MPP7: variants seen among roughly 807,000 people sequenced by gnomAD.
MPP7 encodes MAGUK p55 subfamily member 7.
MPP7 carries 60 observed loss-of-function variants against 76.5 expected under a neutral mutation model. That is an observed-to-expected ratio of 0.78 (90% CI 0.64 to 0.97). The LOEUF (loss-of-function observed/expected upper bound fraction) is 0.97. Ranked by LOEUF, MPP7 falls within the 50% of genes least tolerant of loss-of-function variation. The probability of loss-of-function intolerance (pLI) is 0.00; values close to 1 mark genes in which losing one functional copy is unlikely to be tolerated. For synonymous variants in MPP7, 237 were observed against 244.5 expected (o/e 0.97, Z 0.29); for missense variants, 641 against 694.0 (o/e 0.92, Z 0.86).
intron 1 of MPP7, among the ~76,000 whole-genome samples, chr10:28,269,219 C>A (rs1564746413): frequency 6.6e-6 from 1 of 152,168 alleles, no homozygotes; most frequent in Admixed American, 6.5e-5. Flanking sequence ...CTATCCTAAC[C>A]CCATTGCTCC....
At chr10:28,243,803 T>C (rs191072839) in intron 1 of MPP7, among the ~76,000 whole-genome samples, 1 of 152,322 alleles carries the variant, frequency 6.6e-6, no homozygotes. Flanking sequence ...GAGCCAGGAA[T>C]TAAAGAAATT....
intron 8 of MPP7, among the ~76,000 whole-genome samples, chr10:28,122,376 C>T (rs1407038418): frequency 2.6e-5 from 4 of 151,924 alleles, no homozygotes; most frequent in East Asian, 3.9e-4. Flanking sequence ...TGGTAGTTTC[C>T]GAATATTTTT....
chr10:28,191,992 C>T (rs1024092297), intron 3 of MPP7, among the ~76,000 whole-genome samples: 10 of 151,910 alleles, frequency 6.6e-5, no homozygotes, highest in East Asian at 1.9e-4. Context: ...GGCGTAGTGA[C>T]GCACACCTGT....
chr10:28,131,337 A>G (rs1227095580), intron 6 of MPP7, among the ~76,000 whole-genome samples: 1 of 152,252 alleles, frequency 6.6e-6, no homozygotes, highest in Non-Finnish European at 1.5e-5. Context: ...ATAAATGTCA[A>G]CAGGTTACAT....
intron 3 of MPP7, among the ~76,000 whole-genome samples, chr10:28,181,576 T>C (rs898120469): frequency 4.6e-5 from 7 of 152,194 alleles, no homozygotes; most frequent in African/African-American, 1.7e-4. Context: ...CAAGTATTTG[T>C]GAAATGAATG....
intron 11 of MPP7, among the ~76,000 whole-genome samples, chr10:28,103,982 T>G (rs550387702): frequency 2.0e-5 from 3 of 152,244 alleles, no homozygotes; most frequent in African/African-American, 7.2e-5. Flanking sequence ...GGTTTTTGAC[T>G]GACAAAACAG....
chr10:28,286,188 C>A (rs1589029363), intron 1 of MPP7, among the ~76,000 whole-genome samples: 3 of 151,776 alleles, frequency 2.0e-5, no homozygotes, highest in South Asian at 4.2e-4. Flanking sequence ...ACTAAAAATA[C>A]AGAAAAAATT....
rs115720346 is a variant in MPP7 at position 28,276,685 on chromosome 10, A to C, written c.-132+26176T>G. 5.0e-3 allele frequency among the ~76,000 whole-genome samples: 755 copies of C among 152,214 alleles called. 19 individuals are homozygous for C. Among genetic ancestry groups the C allele is most frequent in the African/African-American group, 0.017 (714 of 41,480 alleles). On this transcript the variant is annotated intron_variant, in intron 1 of 16. Transcript: ENST00000683449. ...CGCAAGTCATGCACACGTAGGTTTG[A>C]TATGAAGGGAGAAGAATCAAAGGAC... is the stretch of plus-strand genomic sequence containing the variant.
At chr10:28,290,807 A>G (rs1003142017) in intron 1 of MPP7, among the ~76,000 whole-genome samples, 1 of 152,182 alleles carries the variant, frequency 6.6e-6, no homozygotes, top group East Asian at 1.9e-4. Context: ...AAAGGATTTT[A>G]GGAAAACAGA....
At chr10:28,151,171 A>G (rs1469984481) in intron 3 of MPP7, among the ~76,000 whole-genome samples, 1 of 152,052 alleles carries the variant, frequency 6.6e-6, no homozygotes, top group Non-Finnish European at 1.5e-5. Flanking sequence ...TGCTATTGCT[A>G]AGAGAGGATT....
intron 11 of MPP7, chr10:28,119,147 T>G (rs1247253198): frequency 1.0e-5 from 8 of 799,630 alleles, no homozygotes; most frequent in Non-Finnish European, 9.1e-6. Context: ...TCTCATTTTC[T>G]TTTAATCTAG....
chr10:28,178,616 C>A (rs1412467196), intron 3 of MPP7, among the ~76,000 whole-genome samples: 4 of 152,012 alleles, frequency 2.6e-5, no homozygotes, highest in Admixed American at 2.6e-4. Flanking sequence ...AGCTCTACCA[C>A]CTAACTGGCT....
chr10:28,228,327 TA>T (rs1406313028), intron 2 of MPP7, among the ~76,000 whole-genome samples: 1 of 152,228 alleles, frequency 6.6e-6, no homozygotes, highest in Non-Finnish European at 1.5e-5. Context: ...ATATATTCAT[TA>T]CCTTCAGTAA....
chr10:28,164,618 G>A (rs1836382677), intron 3 of MPP7, among the ~76,000 whole-genome samples: 1 of 152,090 alleles, frequency 6.6e-6, no homozygotes, highest in Non-Finnish European at 1.5e-5. Flanking sequence ...TGGCCCATGG[G>A]CCACGTGCAG....
intron 2 of MPP7, among the ~76,000 whole-genome samples, chr10:28,325,716 A>C (rs1834405841): frequency 6.6e-6 from 1 of 150,792 alleles, no homozygotes; most frequent in Non-Finnish European, 1.5e-5. Flanking sequence ...CTGGTCTCAA[A>C]CTCCTGGCCT....
chr10:28,157,702 G>C (rs565523832), intron 3 of MPP7, among the ~76,000 whole-genome samples: 1 of 152,088 alleles, frequency 6.6e-6, no homozygotes, highest in African/African-American at 2.4e-5. Context: ...AGACCCTCAA[G>C]CACCCAGAGT....
In MPP7 at chr10:28,105,611, A is replaced by T. The variant is rs542419530; in HGVS notation, c.952+14040T>A. On this transcript the variant is annotated intron_variant, in intron 11 of 16. Coordinates refer to ENST00000683449, the MANE Select transcript of MPP7 (RefSeq NM_001318170.2). ...CAATCTCCGCCTCCTAAATTCAAGC[A>T]ATCCTCCTGCCTCAGCCTCCTGAGT... 3.3e-5 allele frequency among the ~76,000 whole-genome samples: 5 copies of T among 152,294 alleles called. No homozygotes were observed. The South Asian group carries it at 6.2e-4, about 19-fold the overall frequency.
At chr10:28,318,459 G>T (rs947071419) in intron 2 of MPP7, among the ~76,000 whole-genome samples, 6 of 152,170 alleles carry the variant, frequency 3.9e-5, no homozygotes, top group Non-Finnish European at 4.4e-5. Flanking sequence ...GCCAAGGTAG[G>T]TGGATTACTT....
chr10:28,153,929 G>T (rs910071223), intron 3 of MPP7, among the ~76,000 whole-genome samples: 1 of 152,098 alleles, frequency 6.6e-6, no homozygotes, highest in Non-Finnish European at 1.5e-5. Flanking sequence ...AATGGTACCA[G>T]ATCTAGAATT....
Sources: allele counts gnomAD v4.1 joint callset (sites outside exome capture counted in the v4.1 genomes callset), GRCh38; gene constraint gnomAD v4.1.1; transcripts MANE v1.5; gene names NCBI Gene and HGNC (gene_info 2026-07-23, HGNC 2026-07-21).